The following TAF4B variants were observed in gnomAD, a reference collection of about 807,000 sequenced individuals.
TAF4B encodes the protein TATA-box binding protein associated factor 4b, also known as transcription initiation factor TFIID subunit 4B.
In TAF4B, 38 loss-of-function variants were observed where a neutral mutation model predicts 86.4. That is an observed-to-expected ratio of 0.44 (90% confidence interval 0.34 to 0.58). The LOEUF (loss-of-function observed/expected upper bound fraction) is 0.58, where lower values mean the gene tolerates loss of function less well. Ranked by LOEUF, TAF4B falls within the 20% of genes least tolerant of loss-of-function variation. TAF4B has a pLI of 0.02. For synonymous variants in TAF4B, 388 were observed against 391.2 expected (o/e 0.99, Z 0.10); for missense variants, 988 against 1,027.6 (o/e 0.96, Z 0.53).
chr18:26,285,967 T>A lies in TAF4B; in HGVS notation c.1058T>A (p.Val353Asp). 1.9e-6 allele frequency: 3 copies of A among 1,614,204 alleles called. No individual in the cohort carries two copies. Among genetic ancestry groups the A allele is most frequent in the Non-Finnish European group, 2.5e-6 (3 of 1,180,012 alleles). Residue 353 changes from valine to aspartate, a missense_variant, in exon 7 of 15, where the codon GTC becomes GAC. Val to Asp is a radical substitution (Grantham distance 152). Transcript: ENST00000269142. ...QCVQQTSSDMVIATCTTTVTT... is the reference protein window; with the variant it reads ...QCVQQTSSDMDIATCTTTVTT... ...GTTCAGCAGACTTCTAGTGACATGGTCATTGCTACCTGTACTACAACAGTA... is the reference window on the plus strand; with the variant it reads ...GTTCAGCAGACTTCTAGTGACATGGACATTGCTACCTGTACTACAACAGTA...
chr18:26,296,141 C>A (rs1291748321), intron 9 of TAF4B, among the ~76,000 whole-genome samples: 3 of 151,924 alleles, frequency 2.0e-5, no homozygotes, highest in Admixed American at 2.0e-4. Flanking sequence ...TTCTTCAATG[C>A]CTCTTTTATT....
At chr18:26,312,023 A>G (rs1401596843) in intron 9 of TAF4B, among the ~76,000 whole-genome samples, 2 of 152,182 alleles carry the variant, frequency 1.3e-5, no homozygotes, top group African/African-American at 2.4e-5. Flanking sequence ...TCCCTGTAAC[A>G]CTCCATAGAA....
At chr18:26,371,326 A>G (rs1354178242) in intron 14 of TAF4B, among the ~76,000 whole-genome samples, 1 of 152,238 alleles carries the variant, frequency 6.6e-6, no homozygotes, top group African/African-American at 2.4e-5. Context: ...GCCCGGTAGA[A>G]GAGAATGGAG....
intron 10 of TAF4B, among the ~76,000 whole-genome samples, chr18:26,320,236 G>A (rs1487503581): frequency 2.0e-5 from 3 of 152,114 alleles, no homozygotes; most frequent in African/African-American, 7.2e-5. Flanking sequence ...TTTTTAAAAA[G>A]CCTATTTAAA....
intron 13 of TAF4B, among the ~76,000 whole-genome samples, chr18:26,347,516 A>G (rs1475598497): frequency 6.6e-6 from 1 of 152,234 alleles, no homozygotes; most frequent in Non-Finnish European, 1.5e-5. Flanking sequence ...GAAAGGAACA[A>G]TGAATATAGA....
intron 13 of TAF4B, among the ~76,000 whole-genome samples, chr18:26,350,171 G>A (rs537734112): frequency 1.5e-3 from 229 of 152,112 alleles, no homozygotes; most frequent in African/African-American, 5.2e-3. Flanking sequence ...TGAATAAGAC[G>A]TCAAAAGCGC....
At chr18:26,381,936 T>G (rs1234625261) in intron 14 of TAF4B, among the ~76,000 whole-genome samples, 1 of 145,550 alleles carries the variant, frequency 6.9e-6, no homozygotes, top group East Asian at 2.0e-4. Context: ...GTTTCCAATT[T>G]CTAATGGTTT....
At chr18:26,375,367 G>A (rs1317293684) in intron 14 of TAF4B, among the ~76,000 whole-genome samples, 1 of 152,078 alleles carries the variant, frequency 6.6e-6, no homozygotes, top group Non-Finnish European at 1.5e-5. Flanking sequence ...ATGCTGCTAT[G>A]TACATTCATA....
chr18:26,358,475 C>T (rs1008589807), intron 14 of TAF4B, among the ~76,000 whole-genome samples: 1 of 152,132 alleles, frequency 6.6e-6, no homozygotes, highest in South Asian at 2.1e-4. Context: ...CTTTGGGAGG[C>T]CAAGGCGGGC....
chr18:26,362,667 T>A (rs2057340651), intron 14 of TAF4B, among the ~76,000 whole-genome samples: 1 of 152,252 alleles, frequency 6.6e-6, no homozygotes, highest in Non-Finnish European at 1.5e-5. Flanking sequence ...TCAAAACAGA[T>A]GTTTACTAAC....
chr18:26,337,424 C>CTTTCT (rs1555683800), intron 13 of TAF4B, among the ~76,000 whole-genome samples: 2 of 126,144 alleles, frequency 1.6e-5, no homozygotes, highest in African/African-American at 2.9e-5. Flanking sequence ...TTCTTTCTTT[C>CTTTCT]TTTTTTTTTT....
rs539669147 is a variant in TAF4B at position 26,315,984 on chromosome 18, CAT to C, written c.2002+587_2002+588del. Among the ~76,000 whole-genome samples, 20 of 152,246 alleles carry C rather than the reference CAT, an allele frequency of 1.3e-4. No individual in the cohort carries two copies. In the South Asian group the frequency reaches 3.9e-3, roughly 30 times the overall value. Reference sequence around the variant, plus strand: ...TTCGAAGGCCAAGGTGGGCAGATCACATGAGTTCAGGAGTTTGAGACTAGCCT... The same window carrying C: ...TTCGAAGGCCAAGGTGGGCAGATCACGAGTTCAGGAGTTTGAGACTAGCCT... On this transcript the variant is annotated intron_variant, in intron 10 of 14. Transcript: ENST00000269142.
Position 26,292,375 on chromosome 18 carries a change from C to A in TAF4B, c.1720C>A (p.Pro574Thr), listed in dbSNP as rs184670680. 1.4e-5 allele frequency: 22 copies of A among 1,612,228 alleles called. No individual in the cohort carries two copies. The Admixed American group carries it at 2.5e-4, about 18-fold the overall frequency. Residue 574 changes from proline (P) to threonine (T), a missense_variant, in exon 8 of 15, where the codon CCT (proline) becomes ACT (threonine). Transcript: ENST00000269142. ...VNTIIPTSQFPPASILKQITL... is the reference protein window; with the variant it reads ...VNTIIPTSQFTPASILKQITL... Reference sequence around the variant, plus strand: ...CACCATAATACCTACTAGTCAGTTTCCTCCAGGTAGATGCTGGTCCATCTC... The same window carrying A: ...CACCATAATACCTACTAGTCAGTTTACTCCAGGTAGATGCTGGTCCATCTC...
rs71169836 is a variant in TAF4B at position 26,255,603 on chromosome 18, CAAA to C, written c.344-9554_344-9552del. On this transcript the variant is annotated intron_variant, in intron 1 of 14. Coordinates refer to ENST00000269142, the MANE Select transcript of TAF4B (RefSeq NM_005640.3). ...GACAACAAGAGCAAAACTCTGTCTCCAAAAAAAAAAAAAAAGAGGGTCAGTTTG... is the reference window on the plus strand; with the variant it reads ...GACAACAAGAGCAAAACTCTGTCTCCAAAAAAAAAAAAGAGGGTCAGTTTG... 1.5e-3 allele frequency: 706 copies of C among 484,016 alleles called. 1 individual carries two copies. Among genetic ancestry groups the C allele is most frequent in the South Asian group, 4.3e-3 (158 of 37,028 alleles). 30.0% of individuals were successfully genotyped at this position (484,016 alleles called of 1,614,324 possible). A position where few individuals can be genotyped will look rare whatever the true frequency, so the allele number is the denominator to read the frequency against.
At chr18:26,270,969 C>G (rs182620703) in intron 3 of TAF4B, among the ~76,000 whole-genome samples, 1 of 152,156 alleles carries the variant, frequency 6.6e-6, no homozygotes, top group African/African-American at 2.4e-5. Flanking sequence ...TTTGTGTGGA[C>G]CATTTATTTT....
intron 8 of TAF4B, 143 bp downstream of exon 8, chr18:26,292,524 G>A (rs1000778792): frequency 1.7e-5 from 15 of 891,020 alleles, no homozygotes; most frequent in African/African-American, 5.1e-5. Flanking sequence ...AAAGATAATC[G>A]TTAGATTTCT....
intron 12 of TAF4B, 38 bp downstream of exon 12, chr18:26,327,178 G>A (rs1403856845): frequency 1.9e-6 from 3 of 1,598,092 alleles, no homozygotes; most frequent in South Asian, 2.2e-5. Flanking sequence ...ATGTGGCCTG[G>A]CAGTGTGGTC....
intron 1 of TAF4B, among the ~76,000 whole-genome samples, chr18:26,263,707 CTCTT>C (rs1007010240): frequency 1.3e-5 from 2 of 148,386 alleles, no homozygotes; most frequent in Non-Finnish European, 3.0e-5. Context: ...CGCTCTTTCT[CTCTT>C]TCTCTCTCTC....
intron 1 of TAF4B, among the ~76,000 whole-genome samples, chr18:26,228,621 A>T (rs1322721555): frequency 7.2e-6 from 1 of 138,418 alleles, no homozygotes; most frequent in Non-Finnish European, 1.6e-5. Context: ...GTTTATAAAT[A>T]GTCAAAAAAA....
Sources: gnomAD v4.1 joint callset for allele counts (sites outside exome capture counted in the v4.1 genomes callset) on GRCh38, gnomAD v4.1.1 for gene constraint, MANE v1.5 for transcripts, NCBI Gene and HGNC (gene_info 2026-07-23, HGNC 2026-07-21) for gene names.